KIAA1549: variants seen among roughly 807,000 people sequenced by gnomAD.
The protein encoded by KIAA1549 is KIAA1549.
In KIAA1549, 70 loss-of-function variants were observed where a neutral mutation model predicts 156.4. The observed-to-expected ratio is 0.45, with a 90% CI of 0.37 to 0.55. KIAA1549 has a LOEUF of 0.55. Ranked by LOEUF, KIAA1549 falls within the 20% of genes least tolerant of loss-of-function variation. The probability of loss-of-function intolerance (pLI) is 0.00; values close to 1 mark genes in which losing one functional copy is unlikely to be tolerated. For synonymous variants in KIAA1549, 1,103 were observed against 1,066.4 expected, an observed-to-expected ratio of 1.03 and a Z score of -0.67; for missense variants, 2,428 against 2,540.9, an observed-to-expected ratio of 0.96 and a Z score of 0.96.
chr7:138,849,858 T>C (rs1449812088), intron 17 of KIAA1549, among the ~76,000 whole-genome samples: 1 of 152,228 alleles, frequency 6.6e-6, no homozygotes. Flanking sequence ...GATAACGGCC[T>C]CTGGCTCCAT....
intron 12 of KIAA1549, among the ~76,000 whole-genome samples, chr7:138,875,364 G>A (rs767816288): frequency 1.3e-5 from 2 of 152,108 alleles, no homozygotes; most frequent in Non-Finnish European, 2.9e-5. Context: ...AAAGAAAAAC[G>A]CTGGGCATAG....
chr7:138,832,241 G>A lies in KIAA1549; in HGVS notation c.*5665C>T. On this transcript the variant is annotated 3_prime_UTR_variant, in exon 20 of 20. Transcript: ENST00000422774. ...AGACAGGACCTCACCCTGCAGCCCAGGCTGGAGTGCAGTGGCGTGATTATA... is the reference window on the plus strand; with the variant it reads ...AGACAGGACCTCACCCTGCAGCCCAAGCTGGAGTGCAGTGGCGTGATTATA... The A allele has an allele frequency of 5.0e-6, 1 of 200,108 alleles. No homozygotes were observed. The allele number at this position is 200,108 out of a possible 1,614,324, so 12.4% of individuals were successfully genotyped here.
chr7:138,912,222 AGAG>A (rs1812189625), intron 3 of KIAA1549, 147 bp downstream of exon 3: 2 of 695,906 alleles, frequency 2.9e-6, no homozygotes, highest in African/African-American at 3.5e-5. Flanking sequence ...ATGGAGATCC[AGAG>A]GATGAGCAGG....
chr7:138,871,435 T>A, intron 12 of KIAA1549, 73 bp from the exon 13 acceptor site: 4 of 1,328,226 alleles, frequency 3.0e-6, no homozygotes, highest in Non-Finnish European at 4.0e-6. Context: ...AAATTGTGAA[T>A]TATTCTTTAA....
intron 15 of KIAA1549, among the ~76,000 whole-genome samples, chr7:138,862,494 C>T (rs1455243647): frequency 6.9e-6 from 1 of 144,536 alleles, no homozygotes; most frequent in Non-Finnish European, 1.5e-5. Context: ...ACAGAGAGAC[C>T]TAGACTCTTA....
Position 138,871,276 on chromosome 7 carries a change from C to CGG in KIAA1549, c.4431_4432insCC (p.Ala1478ProfsTer74). ...ATCTTACTGGGGACCCGCCGGCTAG[C>CGG]CTCCGGGGGGCGGGAGATCCTGTCC... On this transcript the variant is annotated frameshift_variant, in exon 13 of 20. Coordinates refer to ENST00000422774, the MANE Select transcript of KIAA1549 (RefSeq NM_001164665.2). LOFTEE classifies it high-confidence loss of function. 1 of 1,610,970 alleles carries CGG rather than the reference C, an allele frequency of 6.2e-7. No individual in the cohort carries two copies. The highest frequency in any genetic ancestry group is 1.7e-4 in the Middle Eastern group (1 of 6,048).
At position 138,953,408 on chromosome 7, in the gene KIAA1549, C is replaced by G. The variant is rs56280989; in HGVS notation, c.187+27675G>C. On this transcript the variant is annotated intron_variant, in intron 1 of 19. Coordinates refer to ENST00000422774, the MANE Select transcript of KIAA1549 (RefSeq NM_001164665.2). ...ATAAATAAGTGCAGCTTCATCTCTA[C>G]TTTTTAAGCACAATAATAATAGGAA... Among the ~76,000 whole-genome samples, 781 of 152,104 alleles carry G rather than the reference C, an allele frequency of 5.1e-3. 5 individuals are homozygous for G. The highest frequency in any genetic ancestry group is 9.6e-3 in the Non-Finnish European group (651 of 68,002).
chr7:138,890,506 T>C lies in KIAA1549; in HGVS notation c.4032+3836A>G, dbSNP rs184317096. On this transcript the variant is annotated intron_variant, in intron 10 of 19. Coordinates refer to ENST00000422774, the MANE Select transcript of KIAA1549 (RefSeq NM_001164665.2). ...CAAAGTTATTGCCATCTGTTTGTCT[T>C]CAGTGCAGCCCCACACGGGCACTCC... is the stretch of plus-strand genomic sequence containing the variant. Among the ~76,000 whole-genome samples, 700 of 152,346 alleles carry C rather than the reference T, an allele frequency of 4.6e-3. 6 individuals carry two copies. Among genetic ancestry groups the C allele is most frequent in the African/African-American group, 0.016 (667 of 41,582 alleles).
At chr7:138,900,236 C>T (rs901776328) in intron 8 of KIAA1549, among the ~76,000 whole-genome samples, 2 of 152,178 alleles carry the variant, frequency 1.3e-5, no homozygotes, top group African/African-American at 4.8e-5. Context: ...TCTTCCAGAT[C>T]GTGTCTAAAG....
In KIAA1549 at chr7:138,919,200, G is replaced by A. The variant is rs183634909; in HGVS notation, c.426C>T (p.Tyr142=). 9.5e-5 allele frequency: 153 copies of A among 1,613,990 alleles called. 1 individual carries two copies. The East Asian group carries it at 1.9e-3, about 20-fold the overall frequency. ...CCACCTCTTTACTCGTCACTGACAC[G>A]TAAGTTGCCACAAAGATGCTGGGAT... is the stretch of plus-strand genomic sequence containing the variant. ...TADPSIFVAT[Y]VSVTSKEVAV... is the part of the protein sequence containing the mutation. Residue 142 remains tyrosine, a synonymous_variant, in exon 2 of 20, where the codon TAC becomes TAT. Transcript: ENST00000422774.
intron 1 of KIAA1549, among the ~76,000 whole-genome samples, chr7:138,921,049 G>T (rs1263011283): frequency 6.6e-6 from 1 of 152,214 alleles, no homozygotes; most frequent in African/African-American, 2.4e-5. Flanking sequence ...GCAGGTACTG[G>T]ACCAGCTGGC....
chr7:138,963,919 G>A (rs367963783), intron 1 of KIAA1549, among the ~76,000 whole-genome samples: 4 of 152,090 alleles, frequency 2.6e-5, no homozygotes, highest in East Asian at 3.9e-4. Context: ...GAGGAAATGC[G>A]GCAAGAAAAT....
At chr7:138,970,612 G>T (rs978863870) in intron 1 of KIAA1549, among the ~76,000 whole-genome samples, 10 of 152,190 alleles carry the variant, frequency 6.6e-5, no homozygotes, top group Admixed American at 6.5e-4. Context: ...TCAAAAAGTC[G>T]ATGCAGTAGG....
At chr7:138,852,188 G>GA (rs1810253681) in intron 17 of KIAA1549, 35 bp downstream of exon 17, 2 of 1,528,018 alleles carry the variant, frequency 1.3e-6, no homozygotes, top group Admixed American at 3.5e-5. Context: ...GCCTATGTGA[G>GA]AAAGTGATAA....
chr7:138,962,846 T>C (rs1813894989), intron 1 of KIAA1549, among the ~76,000 whole-genome samples: 1 of 152,188 alleles, frequency 6.6e-6, no homozygotes, highest in Non-Finnish European at 1.5e-5. Context: ...AGGCTCCCCT[T>C]TAGCTTTAAA....
At chr7:138,977,208 C>T (rs1164354403) in intron 1 of KIAA1549, among the ~76,000 whole-genome samples, 1 of 151,958 alleles carries the variant, frequency 6.6e-6, no homozygotes, top group Non-Finnish European at 1.5e-5. Context: ...AAGGGGAAAA[C>T]GCAACATATA....
In KIAA1549 at chr7:138,917,901, G is replaced by T; in HGVS notation, c.1725C>A (p.Asn575Lys). The change falls in exon 2 of 20, where the codon AAC becomes AAA. Residue 575 changes from asparagine to lysine, a missense_variant. This residue lies in a region of KIAA1549 where 893 missense variants were observed against 847.9 expected (regional missense o/e 1.05). Transcript: ENST00000422774. The stretch of plus-strand genomic sequence containing the variant: ...TGACGGCAAGCGACGGTGTGTTTTT[G>T]TTTGCTATGACAGAGAAAGATGAGT... ...LLDSSFSVIA[N>K]KNTPSLAVRD... 1 of 1,602,214 alleles carries T rather than the reference G, an allele frequency of 6.2e-7. No individual in the cohort carries two copies. Among genetic ancestry groups the T allele is most frequent in the South Asian group, 1.1e-5 (1 of 88,548 alleles).
In KIAA1549 at chr7:138,833,434, G is replaced by A. The variant is rs768110787; in HGVS notation, c.*4472C>T. On this transcript the variant is annotated 3_prime_UTR_variant, in exon 20 of 20. Transcript: ENST00000422774. ...AACGCTGAACCTGTCCACGGGAAAC[G>A]GGAGACTCCTATAGCACAGAACCGC... 2.6e-5 allele frequency: 6 copies of A among 232,528 alleles called. No homozygotes were observed. The highest frequency in any genetic ancestry group is 4.4e-5 in the African/African-American group (2 of 45,264). The allele number at this position is 232,528 out of a possible 1,614,324, so 14.4% of individuals were successfully genotyped here.
At chr7:138,951,025 C>A (rs114050513) in intron 1 of KIAA1549, among the ~76,000 whole-genome samples, 2,084 of 152,068 alleles carry the variant, frequency 0.014, 19 homozygotes, top group Non-Finnish European at 0.019. Flanking sequence ...CCCGCCCTAA[C>A]CCTCCCCATC....
Sources: gnomAD v4.1 joint callset for allele counts (sites outside exome capture counted in the v4.1 genomes callset) on GRCh38, gnomAD v4.1.1 for gene constraint, gnomAD v4.1.1 regional missense constraint, MANE v1.5 for transcripts, NCBI Gene and HGNC (gene_info 2026-07-23, HGNC 2026-07-21) for gene names.